Variants in DNAAF4 observed in about 807,000 individuals in gnomAD.
The protein encoded by DNAAF4 is dynein assembly factor 4, axonemal.
Under a neutral mutation model 51.8 loss-of-function variants are expected in DNAAF4, and 43 were observed. The ratio of observed to expected loss-of-function variants is 0.83; its 90% CI spans 0.65 to 1.07. DNAAF4 has a LOEUF of 1.07. Ranked by LOEUF, DNAAF4 falls within the 50% of genes least tolerant of loss-of-function variation. DNAAF4 has a pLI of 0.00. For synonymous variants in DNAAF4, 194 were observed against 165.6 expected (o/e 1.17, Z -1.32); for missense variants, 581 against 493.0 (o/e 1.18, Z -1.69).
chr15:55,427,924 C>T (rs142045176), downstream of DNAAF4, among the ~76,000 whole-genome samples: 5,550 of 150,436 alleles, frequency 0.037, 107 homozygotes, highest in African/African-American at 0.051. Flanking sequence ...CATGAGCCAC[C>T]GCGCCTGGCC....
chr15:55,455,119 CTT>C (rs199815090), intron 5 of DNAAF4, among the ~76,000 whole-genome samples: 3 of 141,376 alleles, frequency 2.1e-5, no homozygotes, highest in African/African-American at 2.6e-5. Flanking sequence ...GAAACTGAAT[CTT>C]TTTTTTTTTT....
At chr15:55,425,145 G>A (rs1024737108) in intron 7 of DNAAF4, among the ~76,000 whole-genome samples, 2 of 152,342 alleles carry the variant, frequency 1.3e-5, no homozygotes, top group Admixed American at 6.5e-5. Context: ...GATTACAGGC[G>A]TGAGCCATCA....
chr15:55,453,542 A>C (rs545259299), intron 5 of DNAAF4, among the ~76,000 whole-genome samples: 3 of 149,782 alleles, frequency 2.0e-5, no homozygotes, highest in African/African-American at 5.0e-5. Context: ...TGAAAAAAAA[A>C]CAGTTCTTTT....
intron 5 of DNAAF4, among the ~76,000 whole-genome samples, chr15:55,455,436 G>C (rs1184854211): frequency 7.8e-6 from 1 of 128,628 alleles, no homozygotes; most frequent in East Asian, 2.3e-4. Flanking sequence ...ACTTTTTTTT[G>C]TTTTTGTTGT....
chr15:55,474,017 G>T lies in DNAAF4; in HGVS notation c.406-6856C>A, dbSNP rs150288034. Among the ~76,000 whole-genome samples, 487 of 151,940 alleles carry T rather than the reference G, an allele frequency of 3.2e-3. 3 individuals carry two copies. The highest frequency in any genetic ancestry group is 0.028 in the East Asian group (144 of 5,154). On this transcript the variant is annotated intron_variant, in intron 4 of 9. Transcript: ENST00000321149. ...AAAAAAATAAAAATAAAAAATAAAAGAAATATTAGAAATATTTCCAGCAAA... is the reference window on the plus strand; with the variant it reads ...AAAAAAATAAAAATAAAAAATAAAATAAATATTAGAAATATTTCCAGCAAA...
At chr15:55,448,856 C>T (rs936808484) in intron 6 of DNAAF4, among the ~76,000 whole-genome samples, 6 of 150,540 alleles carry the variant, frequency 4.0e-5, no homozygotes, top group African/African-American at 7.3e-5. Flanking sequence ...GGGGACAGAG[C>T]GAGACTCCAT....
At chr15:55,450,466 C>G in intron 5 of DNAAF4, 99 bp from the exon 6 acceptor site, 1 of 1,286,712 alleles carries the variant, frequency 7.8e-7, no homozygotes. Flanking sequence ...CCCCCAAATC[C>G]TAAACAAATA....
chr15:55,446,295 A>AC lies in DNAAF4; in HGVS notation c.783+3926dup, dbSNP rs1215318305. Among the ~76,000 whole-genome samples the AC allele has an allele frequency of 6.9e-4, 21 of 30,438 alleles. 1 individual carries two copies. Among genetic ancestry groups the AC allele is most frequent in the Non-Finnish European group, 8.5e-4 (18 of 21,120 alleles). 20.0% of individuals were successfully genotyped at this position (30,438 alleles called of 152,430 possible). Reference sequence around the variant, plus strand: ...GGCAGAGGCGCTCCTCACATCCCAGACGGGGGGGGGGGGCAGCTGGGCAGA... The same window carrying AC: ...GGCAGAGGCGCTCCTCACATCCCAGACCGGGGGGGGGGGGCAGCTGGGCAGA... On this transcript the variant is annotated intron_variant, in intron 6 of 9. Transcript: ENST00000321149.
chr15:55,473,198 A>AAAAAATAAAT (rs1209754897), intron 4 of DNAAF4, among the ~76,000 whole-genome samples: 1 of 75,750 alleles, frequency 1.3e-5, no homozygotes, highest in Non-Finnish European at 2.5e-5. Flanking sequence ...AAAAAAAAAA[A>AAAAAATAAAT]ATATATATAT....
At chr15:55,459,033 G>A (rs1228648286) in intron 5 of DNAAF4, among the ~76,000 whole-genome samples, 4 of 147,512 alleles carry the variant, frequency 2.7e-5, no homozygotes, top group Admixed American at 7.0e-5. Context: ...CCGAGATCAC[G>A]CTACTGCACT....
At chr15:55,496,968 T>C (rs2058648792) in intron 3 of DNAAF4, among the ~76,000 whole-genome samples, 1 of 152,200 alleles carries the variant, frequency 6.6e-6, no homozygotes, top group African/African-American at 2.4e-5. Context: ...GAATATTGAC[T>C]ATTCTCCCAG....
At chr15:55,438,163 G>A (rs987546773) in intron 7 of DNAAF4, among the ~76,000 whole-genome samples, 1 of 152,034 alleles carries the variant, frequency 6.6e-6, no homozygotes. Context: ...CTGAGGTCAG[G>A]AGTTTGAGAC....
At chr15:55,433,939 A>ATATATTT (rs1567000558) in intron 8 of DNAAF4, among the ~76,000 whole-genome samples, 264 of 5,490 alleles carry the variant, frequency 0.048, 11 homozygotes, top group African/African-American at 0.17. Context: ...TATATAAAAT[A>ATATATTT]TATATAATAT....
chr15:55,448,655 T>A (rs554757700), intron 6 of DNAAF4, among the ~76,000 whole-genome samples: 1 of 151,260 alleles, frequency 6.6e-6, no homozygotes, highest in South Asian at 2.1e-4. Context: ...GGATCACAAG[T>A]TCAGGAGATT....
intron 1 of DNAAF4, among the ~76,000 whole-genome samples, chr15:55,500,505 C>G (rs769179325): frequency 6.6e-6 from 1 of 152,154 alleles, no homozygotes. Flanking sequence ...GGTTCTCCCA[C>G]TATACAGAAA....
chr15:55,496,990 A>G (rs2058649160), intron 3 of DNAAF4, among the ~76,000 whole-genome samples: 2 of 152,190 alleles, frequency 1.3e-5, no homozygotes, highest in African/African-American at 4.8e-5. Flanking sequence ...AAAGGAAACT[A>G]CAAGTCAACA....
chr15:55,454,152 T>C (rs192337370), intron 5 of DNAAF4, among the ~76,000 whole-genome samples: 48 of 151,270 alleles, frequency 3.2e-4, no homozygotes, highest in African/African-American at 1.1e-3. Context: ...AATACAAAAA[T>C]TAGCTTGGTG....
At chr15:55,428,484 CT>C (rs747325376), downstream of DNAAF4, among the ~76,000 whole-genome samples, 16,155 of 85,150 alleles carry the variant, frequency 0.19, 1,456 homozygotes, top group African/African-American at 0.3. Context: ...TCTTTTTTTT[CT>C]TTTTTTTTTT....
At chr15:55,502,995 T>C (rs1309256249) in intron 1 of DNAAF4, among the ~76,000 whole-genome samples, 3 of 151,982 alleles carry the variant, frequency 2.0e-5, no homozygotes, top group Non-Finnish European at 4.4e-5. Context: ...AGCTGGTTTT[T>C]TGAAAAGATC....
Sources: gnomAD v4.1 joint callset for allele counts (sites outside exome capture counted in the v4.1 genomes callset) on GRCh38, gnomAD v4.1.1 for gene constraint, MANE v1.5 for transcripts, NCBI Gene and HGNC (gene_info 2026-07-23, HGNC 2026-07-21) for gene names.